Variants in AUH observed in about 807,000 individuals in gnomAD.
AUH encodes methylglutaconyl-CoA hydratase, mitochondrial.
Under a neutral mutation model 42.3 loss-of-function variants are expected in AUH, and 29 were observed. The ratio of observed to expected loss-of-function variants is 0.69; its 90% CI spans 0.51 to 0.93. The LOEUF (loss-of-function observed/expected upper bound fraction) is 0.93, where lower values mean the gene tolerates loss of function less well. AUH is among the 40% of genes least tolerant of loss of function. The pLI is 0.00. For synonymous variants in AUH, 174 were observed against 166.4 expected (o/e 1.05, Z -0.35); for missense variants, 452 against 438.1 (o/e 1.03, Z -0.28).
At chr9:91,219,916 A>G (rs74786020) in intron 7 of AUH, among the ~76,000 whole-genome samples, 702 of 152,380 alleles carry the variant, frequency 4.6e-3, no homozygotes, top group Middle Eastern at 0.01. Flanking sequence ...ACAGCCCACA[A>G]AAAAGGTTAT....
chr9:91,265,498 T>C (rs1489770948), intron 6 of AUH, among the ~76,000 whole-genome samples: 2 of 152,342 alleles, frequency 1.3e-5, no homozygotes, highest in African/African-American at 2.4e-5. Context: ...CTCTTGGTTA[T>C]GTGTTCTTTA....
chr9:91,219,834 T>G (rs1827030867), intron 7 of AUH, among the ~76,000 whole-genome samples: 1 of 152,200 alleles, frequency 6.6e-6, no homozygotes, highest in East Asian at 1.9e-4. Context: ...TGAACAAATG[T>G]GAGCATTCAT....
At chr9:91,255,164 A>T (rs1029060713) in intron 6 of AUH, among the ~76,000 whole-genome samples, 1 of 152,236 alleles carries the variant, frequency 6.6e-6, no homozygotes, top group Non-Finnish European at 1.5e-5. Flanking sequence ...TAGTATGTAT[A>T]TATTAGTATC....
chr9:91,284,444 A>C (rs979339257), intron 6 of AUH, among the ~76,000 whole-genome samples: 1 of 152,140 alleles, frequency 6.6e-6, no homozygotes, highest in African/African-American at 2.4e-5. Context: ...AATGGCGACA[A>C]AAGCCAAAAT....
chr9:91,297,769 T>G (rs1337727384), intron 5 of AUH, among the ~76,000 whole-genome samples: 1 of 151,998 alleles, frequency 6.6e-6, no homozygotes, highest in African/African-American at 2.4e-5. Context: ...GGACCTAAGA[T>G]TCAAACTCAG....
At chr9:91,228,239 T>C (rs968023502) in intron 6 of AUH, among the ~76,000 whole-genome samples, 4 of 152,246 alleles carry the variant, frequency 2.6e-5, no homozygotes, top group Non-Finnish European at 5.9e-5. Flanking sequence ...CATCCTGTTA[T>C]TGGTCTATTC....
chr9:91,314,055 C>T (rs1265633163), intron 4 of AUH, among the ~76,000 whole-genome samples: 1 of 152,042 alleles, frequency 6.6e-6, no homozygotes, highest in Non-Finnish European at 1.5e-5. Flanking sequence ...AACTTCTGAC[C>T]TCAGGTGATC....
At chr9:91,233,378 A>T (rs1042615160) in intron 6 of AUH, among the ~76,000 whole-genome samples, 1 of 152,098 alleles carries the variant, frequency 6.6e-6, no homozygotes, top group Non-Finnish European at 1.5e-5. Context: ...GTGTGGCTGA[A>T]GTGCACAGCA....
intron 7 of AUH, among the ~76,000 whole-genome samples, chr9:91,218,075 C>A (rs913082182): frequency 3.3e-5 from 5 of 152,112 alleles, no homozygotes; most frequent in Non-Finnish European, 5.9e-5. Context: ...GAATTCAATG[C>A]TATATTTTGA....
At chr9:91,302,976 T>C (rs1286092964) in intron 4 of AUH, among the ~76,000 whole-genome samples, 2 of 152,244 alleles carry the variant, frequency 1.3e-5, no homozygotes, top group East Asian at 1.9e-4. Context: ...CAGTATGTTA[T>C]GCAACCAATA....
intron 3 of AUH, among the ~76,000 whole-genome samples, chr9:91,330,130 G>A (rs79913333): frequency 0.014 from 2,060 of 152,102 alleles, 53 homozygotes; most frequent in African/African-American, 0.047. Context: ...TAAGGTTGCT[G>A]GATATAAGCT....
intron 3 of AUH, among the ~76,000 whole-genome samples, chr9:91,335,020 A>G (rs1226088286): frequency 6.6e-6 from 1 of 152,212 alleles, no homozygotes; most frequent in Non-Finnish European, 1.5e-5. Context: ...GGACCAGGAA[A>G]CTAGTCTGTT....
chr9:91,290,505 T>G (rs1369796275), intron 6 of AUH, among the ~76,000 whole-genome samples: 1 of 152,220 alleles, frequency 6.6e-6, no homozygotes, highest in African/African-American at 2.4e-5. Flanking sequence ...ATGACAAATT[T>G]ATTTAATAGA....
intron 6 of AUH, among the ~76,000 whole-genome samples, chr9:91,283,679 G>A (rs1826163468): frequency 6.6e-6 from 1 of 152,102 alleles, no homozygotes. Flanking sequence ...CAGACAAACA[G>A]AGAGCCAAAT....
chr9:91,314,718 C>A (rs1428984155), intron 4 of AUH, among the ~76,000 whole-genome samples: 1 of 151,986 alleles, frequency 6.6e-6, no homozygotes, highest in Admixed American at 6.5e-5. Flanking sequence ...CAATAGCCGC[C>A]ATTAGGCTTT....
intron 6 of AUH, among the ~76,000 whole-genome samples, chr9:91,252,999 T>G (rs993012558): frequency 6.6e-6 from 1 of 152,204 alleles, no homozygotes; most frequent in Non-Finnish European, 1.5e-5. Context: ...TTTGAAAGTA[T>G]GCTAGGGTCC....
intron 6 of AUH, among the ~76,000 whole-genome samples, chr9:91,230,592 G>A (rs901192669): frequency 3.9e-5 from 6 of 152,168 alleles, no homozygotes; most frequent in Non-Finnish European, 5.9e-5. Flanking sequence ...TTCCGTTGCT[G>A]GTGAGGAGCT....
At chr9:91,217,988 C>A (rs1209437656) in intron 7 of AUH, among the ~76,000 whole-genome samples, 2 of 152,114 alleles carry the variant, frequency 1.3e-5, no homozygotes, top group East Asian at 1.9e-4. Context: ...AGCAGAAAAA[C>A]CAGAATCCCT....
At chr9:91,218,856 T>G in intron 7 of AUH, 2 of 985,436 alleles carry the variant, frequency 2.0e-6, no homozygotes, top group Non-Finnish European at 2.4e-6. Context: ...GTGATTCCAC[T>G]CAAACTTCAT....
Sources: allele counts gnomAD v4.1 joint callset (sites outside exome capture counted in the v4.1 genomes callset), GRCh38; gene constraint gnomAD v4.1.1; transcripts MANE v1.5; gene names NCBI Gene and HGNC (gene_info 2026-07-23, HGNC 2026-07-21).